Variants in LARGE1 observed in about 807,000 individuals in gnomAD.
The protein encoded by LARGE1 is xylosyl- and glucuronyltransferase LARGE1.
LARGE1 carries 43 observed loss-of-function variants against 87.6 expected under a neutral mutation model. That is an observed-to-expected ratio of 0.49 (90% CI 0.38 to 0.63). LARGE1 has a LOEUF of 0.63. Ranked by LOEUF, LARGE1 falls within the 30% of genes least tolerant of loss-of-function variation. LARGE1 has a pLI of 0.00. For synonymous variants in LARGE1, 434 were observed against 394.6 expected (o/e 1.10, Z -1.18); for missense variants, 802 against 1,000.2 (o/e 0.80, Z 2.67).
intron 2 of LARGE1, among the ~76,000 whole-genome samples, chr22:33,690,674 A>G (rs1303612171): frequency 2.0e-5 from 3 of 151,610 alleles, no homozygotes; most frequent in Non-Finnish European, 4.4e-5. Flanking sequence ...GAAGAGGAAA[A>G]AAAAAAAAAA....
At chr22:33,557,004 C>T (rs977945985) in intron 6 of LARGE1, among the ~76,000 whole-genome samples, 4 of 151,948 alleles carry the variant, frequency 2.6e-5, no homozygotes, top group East Asian at 1.9e-4. Context: ...GACTGTTTCA[C>T]GAACAAACAA....
intron 6 of LARGE1, among the ~76,000 whole-genome samples, chr22:33,521,629 C>T (rs1288552745): frequency 6.6e-6 from 1 of 152,200 alleles, no homozygotes; most frequent in Non-Finnish European, 1.5e-5. Flanking sequence ...GGAGGAGCTA[C>T]ACAGTCTTGG....
At chr22:33,353,026 G>T (rs1940542016) in intron 9 of LARGE1, among the ~76,000 whole-genome samples, 2 of 152,202 alleles carry the variant, frequency 1.3e-5, no homozygotes, top group Admixed American at 1.3e-4. Context: ...ACAAAGTAGA[G>T]AAATGACTCC....
chr22:33,573,364 A>C (rs559506628), intron 5 of LARGE1, among the ~76,000 whole-genome samples: 2 of 151,648 alleles, frequency 1.3e-5, no homozygotes, highest in African/African-American at 4.8e-5. Flanking sequence ...ACTTGAACCC[A>C]GGAGGTGGGG....
the LARGE1 span, among the ~76,000 whole-genome samples, chr22:33,115,586 G>A: frequency 6.6e-6 from 1 of 152,142 alleles, no homozygotes; most frequent in African/African-American, 2.4e-5. Flanking sequence ...GGGAGGTCAA[G>A]GCGGGGGAAT....
At chr22:33,860,787 G>C (rs1257625344) in intron 1 of LARGE1, among the ~76,000 whole-genome samples, 1 of 152,166 alleles carries the variant, frequency 6.6e-6, no homozygotes, top group Admixed American at 6.5e-5. Flanking sequence ...GACCCTCCTG[G>C]GCCAGTCCCC....
At chr22:33,630,550 TTCTA>T (rs1279011770) in intron 3 of LARGE1, among the ~76,000 whole-genome samples, 6 of 152,282 alleles carry the variant, frequency 3.9e-5, no homozygotes, top group Middle Eastern at 3.4e-3. Context: ...TGGTGAGTAT[TTCTA>T]TCTCTTAACA....
chr22:33,693,057 T>C (rs553871068), intron 2 of LARGE1, among the ~76,000 whole-genome samples: 22 of 152,326 alleles, frequency 1.4e-4, no homozygotes, highest in Admixed American at 1.2e-3. Flanking sequence ...CATGGAATAC[T>C]ACACAGCCAT....
chr22:33,163,198 C>G (rs1350807138), exon 12 of LARGE1: 2 of 152,180 alleles, frequency 1.3e-5, no homozygotes, highest in Non-Finnish European at 2.9e-5. Context: ...CTCATTGTCC[C>G]CATGTCGCAG....
At chr22:33,283,887 A>T (rs1198837159) in intron 12 of LARGE1, among the ~76,000 whole-genome samples, 1 of 151,936 alleles carries the variant, frequency 6.6e-6, no homozygotes, top group East Asian at 1.9e-4. Context: ...AAAAGAAAGA[A>T]AAAGTAAAGA....
intron 6 of LARGE1, among the ~76,000 whole-genome samples, chr22:33,512,771 C>G (rs932609246): frequency 2.0e-5 from 3 of 152,112 alleles, no homozygotes; most frequent in African/African-American, 4.8e-5. Context: ...CCACTACACT[C>G]CAGCCTAGGT....
intron 6 of LARGE1, 53 bp downstream of exon 6, chr22:33,564,795 G>A: frequency 6.3e-7 from 1 of 1,590,558 alleles, no homozygotes; most frequent in Non-Finnish European, 8.6e-7. Context: ...CCTATTCTTG[G>A]CATGCTGATA....
intron 1 of LARGE1, among the ~76,000 whole-genome samples, chr22:33,800,470 A>G (rs2086126244): frequency 6.6e-6 from 1 of 152,222 alleles, no homozygotes; most frequent in Non-Finnish European, 1.5e-5. Flanking sequence ...TCACATGTAC[A>G]GATTTGTGCA....
chr22:33,502,855 G>A (rs1238011719), intron 6 of LARGE1, among the ~76,000 whole-genome samples: 2 of 152,148 alleles, frequency 1.3e-5, no homozygotes, highest in Admixed American at 6.6e-5. Flanking sequence ...GTGCACAGCA[G>A]AAATTGAAGC....
the LARGE1 span, among the ~76,000 whole-genome samples, chr22:33,123,950 G>A: frequency 6.6e-6 from 1 of 152,142 alleles, no homozygotes; most frequent in Non-Finnish European, 1.5e-5. Flanking sequence ...GCGGTGCTCT[G>A]GCCACTTGCC....
In LARGE1 at chr22:33,337,826, C is replaced by G. The variant is rs1569071196; in HGVS notation, c.1132-25G>C. 24 of 1,613,786 alleles carry G rather than the reference C, an allele frequency of 1.5e-5. 1 individual carries two copies. In the East Asian group the frequency reaches 5.1e-4, roughly 34 times the overall value. On this transcript the variant is annotated intron_variant, in intron 9 of 14. Coordinates refer to ENST00000397394, the MANE Select transcript of LARGE1 (RefSeq NM_133642.5). ...CCTGGCAGGGAGATAAGGAAGTGGT[C>G]AGGTATGGCAGGGGTGGGGTGGGGA...
chr22:33,668,090 T>C (rs1165137301), intron 2 of LARGE1, among the ~76,000 whole-genome samples: 1 of 152,360 alleles, frequency 6.6e-6, no homozygotes, highest in East Asian at 1.9e-4. Context: ...ACACAACTTA[T>C]TATTTTTTAT....
intron 6 of LARGE1, among the ~76,000 whole-genome samples, chr22:33,518,473 T>A (rs1432829475): frequency 1.3e-5 from 2 of 152,192 alleles, no homozygotes; most frequent in African/African-American, 4.8e-5. Context: ...CATGCCTGGC[T>A]AATTTTTGTA....
chr22:33,403,257 T>C (rs537103151), intron 7 of LARGE1, among the ~76,000 whole-genome samples: 1 of 152,304 alleles, frequency 6.6e-6, no homozygotes, highest in East Asian at 1.9e-4. Flanking sequence ...AGCTCCTGCA[T>C]TGGCAATGAA....
Sources: allele counts gnomAD v4.1 joint callset (sites outside exome capture counted in the v4.1 genomes callset), GRCh38; gene constraint gnomAD v4.1.1; transcripts MANE v1.5; gene names NCBI Gene and HGNC (gene_info 2026-07-23, HGNC 2026-07-21).